TMEM170A: variants seen among roughly 807,000 people sequenced by gnomAD.
The protein encoded by TMEM170A is transmembrane protein 170.
TMEM170A carries 18 observed loss-of-function variants against 12.8 expected under a neutral mutation model. The ratio of observed to expected loss-of-function variants is 1.41; its 90% CI spans 0.97 to 2.09. TMEM170A has a LOEUF of 2.09. Among genes scored for constraint, TMEM170A ranks in the 30% most tolerant of loss-of-function variants. The pLI is 0.00. For synonymous variants in TMEM170A, 107 were observed against 76.2 expected, an observed-to-expected ratio of 1.40 and a Z score of -2.11; for missense variants, 220 against 179.9, an observed-to-expected ratio of 1.22 and a Z score of -1.28.
rs2079540268 is a variant in TMEM170A at position 75,443,873 on chromosome 16, G to C, written c.*3685C>G. 1.3e-5 allele frequency: 2 copies of C among 152,280 alleles called. No homozygotes were observed. The highest frequency in any genetic ancestry group is 1.3e-4 in the Admixed American group (2 of 15,296). 9.4% of individuals were successfully genotyped at this position (152,280 alleles called of 1,614,324 possible). ...GGAGGCCGAGGCGGGTGGATCACTT[G>C]AAGTCAGGAGTTTGAGACCAGCCTG... is the stretch of plus-strand genomic sequence containing the variant. On this transcript the variant is annotated 3_prime_UTR_variant, in exon 3 of 3. Transcript: ENST00000561878.
chr16:75,451,662 A>C lies in TMEM170A; in HGVS notation c.304+7T>G, dbSNP rs1207115048. The C allele has an allele frequency of 4.3e-6, 7 of 1,614,032 alleles. No homozygotes were observed. The African/African-American group carries it at 9.3e-5, about 22-fold the overall frequency. Reference sequence around the variant, plus strand: ...ATTTTTGACTGGTATTTTAATGTCTAACATACTTGTCAAGATTCCAGCAGT... The same window carrying C: ...ATTTTTGACTGGTATTTTAATGTCTCACATACTTGTCAAGATTCCAGCAGT... On this transcript the variant is annotated splice_region_variant and intron_variant, in intron 2 of 2. Transcript: ENST00000561878.
At position 75,464,508 on chromosome 16, in the gene TMEM170A, C is replaced by T. The variant is rs753415690; in HGVS notation, c.93G>A (p.Gly31=). ...GGGAAGTAGAGTTGGGGCACAGGGT[C>T]CCGTTGCCCACCCGCGGCACAACCT... The part of the protein sequence containing the change: ...SLKVVPRVGN[G]TLCPNSTSLC... Residue 31 remains glycine, a synonymous_variant, in exon 1 of 3, where the codon GGG becomes GGA. Coordinates refer to ENST00000561878, the MANE Select transcript of TMEM170A (RefSeq NM_145254.3). The T allele has an allele frequency of 1.3e-6, 2 of 1,584,978 alleles. No homozygotes were observed. The highest frequency in any genetic ancestry group is 4.9e-5 in the East Asian group (2 of 40,922).
intron 1 of TMEM170A, among the ~76,000 whole-genome samples, chr16:75,460,752 T>C (rs1464230559): frequency 6.6e-6 from 1 of 152,180 alleles, no homozygotes; most frequent in Non-Finnish European, 1.5e-5. Flanking sequence ...CTTGACTTGG[T>C]GCCTAGAAAA....
intron 2 of TMEM170A, among the ~76,000 whole-genome samples, chr16:75,449,605 C>T (rs531661976): frequency 1.1e-4 from 16 of 152,168 alleles, no homozygotes; most frequent in Non-Finnish European, 2.1e-4. Flanking sequence ...AGGCATAAGC[C>T]ACCATGCCTG....
At position 75,445,775 on chromosome 16, in the gene TMEM170A, A is replaced by G. The variant is rs1026869718; in HGVS notation, c.*1783T>C. On this transcript the variant is annotated 3_prime_UTR_variant, in exon 3 of 3. Transcript: ENST00000561878. ...GAGACTCTCCTCCTGGCTATTTTTA[A>G]TCAGAAGCCAGAGTGTGTATTGCTT... 2.6e-5 allele frequency: 4 copies of G among 151,852 alleles called. No individual in the cohort carries two copies. Among genetic ancestry groups the G allele is most frequent in the Non-Finnish European group, 5.9e-5 (4 of 67,988 alleles). 9.4% of individuals were successfully genotyped at this position (151,852 alleles called of 1,614,324 possible). A position where few individuals can be genotyped will look rare whatever the true frequency, so the allele number is the denominator to read the frequency against.
chr16:75,459,546 C>G (rs1000098741), intron 1 of TMEM170A, among the ~76,000 whole-genome samples: 1 of 152,130 alleles, frequency 6.6e-6, no homozygotes, highest in Non-Finnish European at 1.5e-5. Flanking sequence ...CATGAGTCCT[C>G]CTGGGGATTA....
chr16:75,454,932 A>G (rs1163229713), intron 1 of TMEM170A, among the ~76,000 whole-genome samples: 1 of 152,252 alleles, frequency 6.6e-6, no homozygotes, highest in Non-Finnish European at 1.5e-5. Flanking sequence ...AGGCAAGGAC[A>G]GAGGTAACAA....
chr16:75,462,212 T>C (rs1207355933), intron 1 of TMEM170A, among the ~76,000 whole-genome samples: 1 of 152,196 alleles, frequency 6.6e-6, no homozygotes, highest in African/African-American at 2.4e-5. Context: ...AGATACAAAT[T>C]GACATTCAAT....
At chr16:75,451,524 T>C (rs2079680830) in intron 2 of TMEM170A, 145 bp downstream of exon 2, 1 of 810,210 alleles carries the variant, frequency 1.2e-6, no homozygotes, top group African/African-American at 1.7e-5. Flanking sequence ...CACTCCGGCC[T>C]TGGTGACATA....
At position 75,447,669 on chromosome 16, in the gene TMEM170A, A is replaced by G; in HGVS notation, c.324T>C (p.Val108=). The G allele has an allele frequency of 1.2e-6, 2 of 1,604,228 alleles. No individual in the cohort carries two copies. The highest frequency in any genetic ancestry group is 1.7e-6 in the Non-Finnish European group (2 of 1,176,070). ...TCATTTCCTTCCCTGCTGCTCGGTA[A>G]ACTCCAGCAATAGCTGCACCTGATT... ...GILTSAAIAG[V]YRAAGKEMIP... The change falls in exon 3 of 3, where the codon GTT becomes GTC. Residue 108 remains valine (V), a synonymous_variant. Coordinates refer to ENST00000561878, the MANE Select transcript of TMEM170A (RefSeq NM_145254.3).
At position 75,447,323 on chromosome 16, in the gene TMEM170A, TCTACAAA is replaced by T; in HGVS notation, c.*228_*234del. On this transcript the variant is annotated 3_prime_UTR_variant, in exon 3 of 3. Coordinates refer to ENST00000561878, the MANE Select transcript of TMEM170A (RefSeq NM_145254.3). ...ACATGAAAACTGCTTAAATCAAATA[TCTACAAA>T]AAAGAAAGCCAAAAGACTTGTTTTG... 3.0e-6 allele frequency: 1 copy of T among 335,866 alleles called. No individual in the cohort carries two copies. Among genetic ancestry groups the T allele is most frequent in the Non-Finnish European group, 5.2e-6 (1 of 191,494 alleles). The allele number at this position is 335,866 out of a possible 1,614,324, so 20.8% of individuals were successfully genotyped here.
At chr16:75,447,732 G>T in intron 2 of TMEM170A, 44 bp from the exon 3 acceptor site, 3 of 1,554,886 alleles carry the variant, frequency 1.9e-6, no homozygotes, top group Non-Finnish European at 1.7e-6. Context: ...AAAAAACGAA[G>T]GTTAACAAAC....
chr16:75,458,718 G>C (rs1033927488), intron 1 of TMEM170A: 1 of 152,066 alleles, frequency 6.6e-6, no homozygotes, highest in African/African-American at 2.4e-5. Context: ...TAAATTTGTG[G>C]AATTAATTAC....
chr16:75,464,605 T>C lies in TMEM170A; in HGVS notation c.-5A>G. On this transcript the variant is annotated 5_prime_UTR_variant, in exon 1 of 3. Coordinates refer to ENST00000561878, the MANE Select transcript of TMEM170A (RefSeq NM_145254.3). Reference sequence around the variant, plus strand: ...GCCGCTCCCCTCGCGCTCCATCCCGTCGCCATTCACCACAGAGAAATGAGG... The same window carrying C: ...GCCGCTCCCCTCGCGCTCCATCCCGCCGCCATTCACCACAGAGAAATGAGG... 6.3e-7 allele frequency: 1 copy of C among 1,582,364 alleles called. No homozygotes were observed. Among genetic ancestry groups the C allele is most frequent in the Non-Finnish European group, 8.6e-7 (1 of 1,167,384 alleles).
chr16:75,455,173 C>T (rs749008478), intron 1 of TMEM170A, among the ~76,000 whole-genome samples: 8 of 152,022 alleles, frequency 5.3e-5, no homozygotes, highest in African/African-American at 1.4e-4. Flanking sequence ...CTGGCTAACA[C>T]GGTAAAACCC....
At chr16:75,453,909 A>C (rs1051673323) in intron 1 of TMEM170A, among the ~76,000 whole-genome samples, 3 of 152,276 alleles carry the variant, frequency 2.0e-5, no homozygotes, top group African/African-American at 7.2e-5. Flanking sequence ...ACAATTTGTT[A>C]AATGGCCCAT....
At chr16:75,464,197 G>A in intron 1 of TMEM170A, 2 of 1,504,266 alleles carry the variant, frequency 1.3e-6, no homozygotes, top group Non-Finnish European at 1.8e-6. Context: ...GACCCGCTCG[G>A]GTGGCGGCCG....
intron 1 of TMEM170A, among the ~76,000 whole-genome samples, chr16:75,453,459 C>A (rs777659328): frequency 3.9e-5 from 6 of 152,070 alleles, no homozygotes; most frequent in Admixed American, 6.6e-5. Flanking sequence ...ACCAAAAAAC[C>A]CAAACAAAAA....
Position 75,464,578 on chromosome 16 carries a change from C to T in TMEM170A, c.23G>A (p.Gly8Asp). ...CAGGAGCCCGGCCGACCCGCCGCTGCCGCCGCTCCCCTCGCGCTCCATCCC... is the reference window on the plus strand; with the variant it reads ...CAGGAGCCCGGCCGACCCGCCGCTGTCGCCGCTCCCCTCGCGCTCCATCCC... MEREGSG[G>D]SGGSAGLLQQ... The change falls in exon 1 of 3, where the codon GGC becomes GAC. Residue 8 changes from glycine to aspartate, a missense_variant. Physicochemically the swap from Gly to Asp is moderately conservative, Grantham distance 94 (BLOSUM62 -1). Transcript: ENST00000561878. 6.3e-7 allele frequency: 1 copy of T among 1,586,964 alleles called. No homozygotes were observed. The highest frequency in any genetic ancestry group is 8.6e-7 in the Non-Finnish European group (1 of 1,169,470).
Sources: gnomAD v4.1 joint callset for allele counts (sites outside exome capture counted in the v4.1 genomes callset) on GRCh38, gnomAD v4.1.1 for gene constraint, MANE v1.5 for transcripts, NCBI Gene and HGNC (gene_info 2026-07-23, HGNC 2026-07-21) for gene names.